The following RIN3 variants were observed in gnomAD, a reference collection of about 807,000 sequenced individuals.
RIN3 encodes RAB5 interacting protein 3.
Under a neutral mutation model 76.3 loss-of-function variants are expected in RIN3, and 54 were observed. The ratio of observed to expected loss-of-function variants is 0.71; its 90% CI spans 0.57 to 0.89. The LOEUF (loss-of-function observed/expected upper bound fraction) is 0.89, where lower values mean the gene tolerates loss of function less well. Among genes scored for constraint, RIN3 ranks in the 40% least tolerant of loss-of-function variants. RIN3 has a pLI of 0.00. For missense variants in RIN3, 1,256 were observed against 1,322.1 expected (o/e 0.95, Z 0.78); for synonymous variants, 576 against 564.0 (o/e 1.02, Z -0.30).
Position 92,556,474 on chromosome 14 carries a change from G to A in RIN3, c.249+519G>A, listed in dbSNP as rs187965708. On this transcript the variant is annotated intron_variant, in intron 2 of 9. Coordinates refer to ENST00000216487, the MANE Select transcript of RIN3 (RefSeq NM_024832.5). Reference sequence around the variant, plus strand: ...AAATTTTCTAAGCCTCACTTTTGTTGCTTTGAAATAGGGGCATTCACACCA... The same window carrying A: ...AAATTTTCTAAGCCTCACTTTTGTTACTTTGAAATAGGGGCATTCACACCA... Among the ~76,000 whole-genome samples the A allele has an allele frequency of 1.2e-3, 179 of 152,294 alleles. 1 individual carries two copies. The highest frequency in any genetic ancestry group is 1.9e-3 in the Non-Finnish European group (129 of 68,024).
chr14:92,557,723 TGGGTAGAAAATAAAACCA>T (rs1477917061), intron 2 of RIN3, among the ~76,000 whole-genome samples: 2 of 152,188 alleles, frequency 1.3e-5, no homozygotes, highest in Non-Finnish European at 2.9e-5. Flanking sequence ...TGGCAAGGCC[TGGGTAGAAAATAAAACCA>T]GGGTCTCCTG....
At chr14:92,673,399 C>T (rs560221782) in intron 7 of RIN3, among the ~76,000 whole-genome samples, 1 of 152,120 alleles carries the variant, frequency 6.6e-6, no homozygotes, top group African/African-American at 2.4e-5. Flanking sequence ...GTATATATAA[C>T]TAAGAGTGGA....
intron 3 of RIN3, among the ~76,000 whole-genome samples, chr14:92,600,882 G>T (rs888674851): frequency 1.1e-4 from 17 of 152,192 alleles, no homozygotes; most frequent in African/African-American, 4.1e-4. Context: ...CCTCTGAGTT[G>T]TAACAATCAA....
chr14:92,555,359 G>A (rs1897547067), intron 1 of RIN3, among the ~76,000 whole-genome samples: 1 of 152,078 alleles, frequency 6.6e-6, no homozygotes, highest in African/African-American at 2.4e-5. Flanking sequence ...GGGTCTCACA[G>A]ACCCAAGAAA....
At chr14:92,588,494 G>A (rs967300291) in intron 3 of RIN3, among the ~76,000 whole-genome samples, 5 of 151,876 alleles carry the variant, frequency 3.3e-5, no homozygotes, top group African/African-American at 1.2e-4. Flanking sequence ...CCAAAGTGCT[G>A]GGATTACAGG....
chr14:92,599,091 A>G (rs1013387977), intron 3 of RIN3, among the ~76,000 whole-genome samples: 5 of 152,306 alleles, frequency 3.3e-5, no homozygotes, highest in African/African-American at 1.2e-4. Context: ...GAAAGCCGAG[A>G]ACAGGAGCAT....
chr14:92,548,875 T>C (rs747680632), intron 1 of RIN3, among the ~76,000 whole-genome samples: 5 of 152,100 alleles, frequency 3.3e-5, no homozygotes, highest in Non-Finnish European at 4.4e-5. Flanking sequence ...ATTCAACCTC[T>C]GAGGTTGAAT....
chr14:92,520,420 G>T (rs1896566168), intron 1 of RIN3, among the ~76,000 whole-genome samples: 1 of 152,168 alleles, frequency 6.6e-6, no homozygotes. Context: ...TGCCCTAGGG[G>T]GGCTCTCCTA....
intron 1 of RIN3, among the ~76,000 whole-genome samples, chr14:92,517,708 G>A (rs1191799081): frequency 6.6e-6 from 1 of 152,198 alleles, no homozygotes; most frequent in Non-Finnish European, 1.5e-5. Context: ...CCCACCAGGA[G>A]TGTCTGAAAC....
chr14:92,625,875 T>C (rs1279985974), intron 4 of RIN3, among the ~76,000 whole-genome samples: 1 of 152,214 alleles, frequency 6.6e-6, no homozygotes, highest in Non-Finnish European at 1.5e-5. Context: ...CATATACTTT[T>C]TGGGCTTCTC....
intron 7 of RIN3, among the ~76,000 whole-genome samples, chr14:92,671,866 G>A (rs1888299390): frequency 6.6e-6 from 1 of 152,192 alleles, no homozygotes; most frequent in Non-Finnish European, 1.5e-5. Flanking sequence ...TAGAAACTGA[G>A]TGTGGCCAGA....
At chr14:92,603,076 G>A (rs74072979) in intron 3 of RIN3, among the ~76,000 whole-genome samples, 4,783 of 152,270 alleles carry the variant, frequency 0.031, 265 homozygotes, top group African/African-American at 0.11. Context: ...AGCCTGCATC[G>A]CACTCGGCCC....
chr14:92,667,614 CT>C (rs1476354769), intron 7 of RIN3, among the ~76,000 whole-genome samples: 2 of 152,094 alleles, frequency 1.3e-5, no homozygotes, highest in Non-Finnish European at 2.9e-5. Context: ...TCTTTCTAGT[CT>C]TTTTGAAATA....
intron 2 of RIN3, 66 bp downstream of exon 2, chr14:92,556,021 C>A: frequency 7.5e-7 from 1 of 1,330,772 alleles, no homozygotes; most frequent in Non-Finnish European, 1.1e-6. Context: ...GTGCTCCACA[C>A]CTGCCCTGGC....
chr14:92,572,741 C>A (rs969620236), intron 2 of RIN3, among the ~76,000 whole-genome samples: 3 of 152,022 alleles, frequency 2.0e-5, no homozygotes, highest in Non-Finnish European at 2.9e-5. Context: ...GCTAGCTGTC[C>A]GGGCAGTGTG....
intron 3 of RIN3, among the ~76,000 whole-genome samples, chr14:92,578,727 G>T (rs1898338244): frequency 6.6e-6 from 1 of 152,106 alleles, no homozygotes; most frequent in African/African-American, 2.4e-5. Context: ...TCAGTTCCTG[G>T]GCGAGGGCCA....
At chr14:92,668,690 G>A (rs1055526319) in intron 7 of RIN3, among the ~76,000 whole-genome samples, 1 of 152,194 alleles carries the variant, frequency 6.6e-6, no homozygotes, top group Non-Finnish European at 1.5e-5. Flanking sequence ...GCAGCGGACA[G>A]TTCAGACTAG....
intron 2 of RIN3, among the ~76,000 whole-genome samples, chr14:92,563,189 A>G (rs111363408): frequency 0.022 from 3,310 of 152,276 alleles, 56 homozygotes; most frequent in Non-Finnish European, 0.036. Context: ...GTAAAACCTC[A>G]TATCTGCTAA....
At chr14:92,664,629 C>G (rs932746968) in intron 7 of RIN3, among the ~76,000 whole-genome samples, 5 of 152,072 alleles carry the variant, frequency 3.3e-5, no homozygotes, top group African/African-American at 1.2e-4. Context: ...CTCGGCCTCC[C>G]AAAGTGCTGG....
Sources: allele counts gnomAD v4.1 joint callset (sites outside exome capture counted in the v4.1 genomes callset), GRCh38; gene constraint gnomAD v4.1.1; transcripts MANE v1.5; gene names NCBI Gene and HGNC (gene_info 2026-07-23, HGNC 2026-07-21).